NRXN3: variants seen among roughly 807,000 people sequenced by gnomAD.
The protein encoded by NRXN3 is neurexin 3.
Under a neutral mutation model 137.6 loss-of-function variants are expected in NRXN3, and 32 were observed. The ratio of observed to expected loss-of-function variants is 0.23; its 90% CI spans 0.18 to 0.31. The LOEUF (loss-of-function observed/expected upper bound fraction) is 0.31. NRXN3 is among the 10% of genes least tolerant of loss of function. The probability of loss-of-function intolerance (pLI) is 1.00; values close to 1 mark genes in which losing one functional copy is unlikely to be tolerated. For missense variants in NRXN3, 1,574 were observed against 2,062.5 expected, an observed-to-expected ratio of 0.76 and a Z score of 4.59; for synonymous variants, 798 against 784.5, an observed-to-expected ratio of 1.02 and a Z score of -0.29.
chr14:79,377,177 T>C (rs2060745773), intron 15 of NRXN3, among the ~76,000 whole-genome samples: 1 of 152,174 alleles, frequency 6.6e-6, no homozygotes, highest in South Asian at 2.1e-4. Flanking sequence ...TGTGAAAAAG[T>C]TAAGCTTCAT....
At chr14:79,722,041 A>G (rs1202007017) in intron 19 of NRXN3, among the ~76,000 whole-genome samples, 1 of 152,128 alleles carries the variant, frequency 6.6e-6, no homozygotes, top group Non-Finnish European at 1.5e-5. Context: ...TTATTGTTCT[A>G]TAACAGTCAG....
intron 4 of NRXN3, among the ~76,000 whole-genome samples, chr14:78,496,171 C>A (rs185105059): frequency 9.7e-4 from 148 of 152,266 alleles, no homozygotes; most frequent in South Asian, 5.8e-3. Flanking sequence ...ACATTGTAGG[C>A]AGAATGCCAG....
At chr14:79,011,335 C>G (rs2099570531) in intron 15 of NRXN3, among the ~76,000 whole-genome samples, 1 of 148,468 alleles carries the variant, frequency 6.7e-6, no homozygotes, top group Non-Finnish European at 1.5e-5. Flanking sequence ...TTTGGTCTCA[C>G]AGGTTCCTTT....
intron 4 of NRXN3, among the ~76,000 whole-genome samples, chr14:78,414,041 C>A (rs149582387): frequency 1.3e-5 from 2 of 152,226 alleles, no homozygotes; most frequent in East Asian, 3.9e-4. Context: ...GTAAGACATG[C>A]CTTTGCTCTT....
chr14:78,438,505 C>A lies in NRXN3; in HGVS notation c.757+140645C>A, dbSNP rs570097172. Among the ~76,000 whole-genome samples the A allele has an allele frequency of 2.0e-3, 302 of 152,164 alleles. 1 individual carries two copies. Among genetic ancestry groups the A allele is most frequent in the South Asian group, 8.3e-3 (40 of 4,816 alleles). On this transcript the variant is annotated intron_variant, in intron 4 of 20. Coordinates refer to ENST00000335750, the MANE Select transcript of NRXN3 (RefSeq NM_001330195.2). Reference sequence around the variant, plus strand: ...CTGGTATAAGAGAACAGGTGTTAAGCTGCTTTTATTGCAGCTAATCTAATA... The same window carrying A: ...CTGGTATAAGAGAACAGGTGTTAAGATGCTTTTATTGCAGCTAATCTAATA...
intron 16 of NRXN3, among the ~76,000 whole-genome samples, chr14:79,575,193 A>G (rs528881186): frequency 2.0e-4 from 31 of 152,310 alleles, no homozygotes; most frequent in African/African-American, 6.3e-4. Context: ...TCACAAAGCA[A>G]TTAAGTACCT....
intron 20 of NRXN3, among the ~76,000 whole-genome samples, chr14:79,855,859 T>C (rs1056545213): frequency 5.9e-5 from 9 of 152,298 alleles, no homozygotes; most frequent in Non-Finnish European, 1.2e-4. Context: ...GGTAGGGTAT[T>C]TTATTATTCT....
intron 4 of NRXN3, among the ~76,000 whole-genome samples, chr14:78,528,277 T>C (rs1373909738): frequency 6.6e-6 from 1 of 152,164 alleles, no homozygotes; most frequent in African/African-American, 2.4e-5. Context: ...TGATTTTCAG[T>C]GGTTTTGCCT....
At chr14:79,537,521 A>G (rs1482489961) in intron 16 of NRXN3, among the ~76,000 whole-genome samples, 2 of 151,736 alleles carry the variant, frequency 1.3e-5, no homozygotes, top group East Asian at 3.9e-4. Flanking sequence ...ATTCCCACCT[A>G]TGAGTGACAA....
At chr14:78,483,416 C>T (rs2215832) in intron 4 of NRXN3, among the ~76,000 whole-genome samples, 151,821 of 152,348 alleles carry the variant, frequency 1, 75,651 homozygotes, top group Middle Eastern at 1. Flanking sequence ...TTAGCAGTTA[C>T]GGAAAGGAGA....
At position 79,692,159 on chromosome 14, in the gene NRXN3, T is replaced by A; in HGVS notation, c.3617-14T>A. 1 of 1,579,886 alleles carries A rather than the reference T, an allele frequency of 6.3e-7. No individual in the cohort carries two copies. The highest frequency in any genetic ancestry group is 8.6e-7 in the Non-Finnish European group (1 of 1,165,212). ...TTTCAGATTGTTCTTTAAGCTGTTT[T>A]TTAAACTTTAAAGGCAACACTGATA... is the stretch of plus-strand genomic sequence containing the variant. On this transcript the variant is annotated splice_polypyrimidine_tract_variant and intron_variant, in intron 17 of 20. Coordinates refer to ENST00000335750, the MANE Select transcript of NRXN3 (RefSeq NM_001330195.2).
intron 8 of NRXN3, among the ~76,000 whole-genome samples, chr14:78,797,516 G>C (rs2098825713): frequency 6.6e-6 from 1 of 152,132 alleles, no homozygotes; most frequent in South Asian, 2.1e-4. Context: ...GATTCATCAA[G>C]TAGATAATAA....
intron 10 of NRXN3, among the ~76,000 whole-genome samples, chr14:78,926,918 AT>A (rs1490674617): frequency 3.0e-5 from 1 of 33,036 alleles, no homozygotes; most frequent in Non-Finnish European, 4.2e-5. Flanking sequence ...TAATATATAT[AT>A]AATATATAAT....
intron 4 of NRXN3, among the ~76,000 whole-genome samples, chr14:78,536,909 A>G (rs182070142): frequency 2.6e-5 from 4 of 152,252 alleles, no homozygotes; most frequent in Admixed American, 2.0e-4. Flanking sequence ...TTCCAGCTTC[A>G]TCCATGTTCC....
intron 1 of NRXN3, among the ~76,000 whole-genome samples, chr14:78,206,524 G>T (rs1425645140): frequency 6.6e-6 from 1 of 152,086 alleles, no homozygotes; most frequent in Non-Finnish European, 1.5e-5. Flanking sequence ...AAATAAAGAG[G>T]AACAAAGGCC....
intron 16 of NRXN3, among the ~76,000 whole-genome samples, chr14:79,554,219 G>A (rs1248683575): frequency 1.3e-5 from 2 of 152,160 alleles, no homozygotes; most frequent in Non-Finnish European, 2.9e-5. Context: ...CTGAAGGTCT[G>A]CATGTGGTGA....
intron 4 of NRXN3, among the ~76,000 whole-genome samples, chr14:78,526,424 C>T (rs114456991): frequency 0.013 from 1,909 of 152,258 alleles, 23 homozygotes; most frequent in African/African-American, 0.03. Context: ...TCTGTGGATA[C>T]GGGATTTGGA....
intron 10 of NRXN3, among the ~76,000 whole-genome samples, chr14:78,903,842 A>G (rs964855413): frequency 2.6e-5 from 4 of 152,022 alleles, no homozygotes; most frequent in Admixed American, 2.6e-4. Context: ...TGTTTATGCA[A>G]TGAAGTGCGT....
At chr14:79,596,436 G>T (rs1247237514) in intron 16 of NRXN3, among the ~76,000 whole-genome samples, 1 of 152,004 alleles carries the variant, frequency 6.6e-6, no homozygotes, top group Non-Finnish European at 1.5e-5. Flanking sequence ...GTATATAACA[G>T]GCCCTCAAAT....
Sources: gnomAD v4.1 joint callset for allele counts (sites outside exome capture counted in the v4.1 genomes callset) on GRCh38, gnomAD v4.1.1 for gene constraint, MANE v1.5 for transcripts, NCBI Gene and HGNC (gene_info 2026-07-23, HGNC 2026-07-21) for gene names.